The following ZNF618 variants were observed in gnomAD, a reference collection of about 807,000 sequenced individuals.
ZNF618 encodes the protein zinc finger protein 618, also known as neural precursor cell expressed, developmentally down-regulated 10.
Under a neutral mutation model 103.0 loss-of-function variants are expected in ZNF618, and 34 were observed. That is an observed-to-expected ratio of 0.33 (90% CI 0.25 to 0.44). The LOEUF (loss-of-function observed/expected upper bound fraction) is 0.44, where lower values mean the gene tolerates loss of function less well. Ranked by LOEUF, ZNF618 falls within the 20% of genes least tolerant of loss-of-function variation. The pLI, the probability that ZNF618 is intolerant of heterozygous loss-of-function variation, is 1.00. For missense variants in ZNF618, 1,059 were observed against 1,295.4 expected (o/e 0.82, Z 2.80); for synonymous variants, 551 against 542.2 (o/e 1.02, Z -0.23).
At chr9:114,022,401 T>G (rs765253333) in intron 10 of ZNF618, among the ~76,000 whole-genome samples, 1 of 152,066 alleles carries the variant, frequency 6.6e-6, no homozygotes, top group Non-Finnish European at 1.5e-5. Context: ...AAGTTTTCTT[T>G]GTAGGAAGGA....
chr9:113,992,660 A>C (rs1840188792), intron 3 of ZNF618, among the ~76,000 whole-genome samples: 1 of 152,100 alleles, frequency 6.6e-6, no homozygotes, highest in Non-Finnish European at 1.5e-5. Flanking sequence ...GTTCCTGTTC[A>C]GTCACCCAGT....
chr9:113,951,762 T>C (rs1017266866), intron 1 of ZNF618, among the ~76,000 whole-genome samples: 1 of 151,920 alleles, frequency 6.6e-6, no homozygotes, highest in Non-Finnish European at 1.5e-5. Context: ...TCCCAAACCT[T>C]GACCTCATGG....
intron 1 of ZNF618, among the ~76,000 whole-genome samples, chr9:113,938,153 C>T (rs1834190499): frequency 6.9e-6 from 1 of 145,424 alleles, no homozygotes; most frequent in African/African-American, 2.5e-5. Context: ...TTTAGGAAAG[C>T]TTCAGGCTCC....
chr9:113,928,418 C>G (rs139941000), intron 1 of ZNF618, among the ~76,000 whole-genome samples: 1 of 152,282 alleles, frequency 6.6e-6, no homozygotes, highest in African/African-American at 2.4e-5. Context: ...TAAGCCAGTT[C>G]TGATGTCTGC....
At chr9:114,005,733 C>T (rs1018706022) in intron 6 of ZNF618, among the ~76,000 whole-genome samples, 4 of 152,182 alleles carry the variant, frequency 2.6e-5, no homozygotes, top group African/African-American at 9.7e-5. Flanking sequence ...ATGGTCTGGA[C>T]GGGACCTGAT....
intron 1 of ZNF618, among the ~76,000 whole-genome samples, chr9:113,907,933 C>T (rs1831136202): frequency 6.6e-6 from 1 of 152,202 alleles, no homozygotes; most frequent in Admixed American, 6.5e-5. Flanking sequence ...GAGCTTGAGT[C>T]TGCAGTGTGG....
chr9:113,978,696 T>G (rs1838706278), intron 2 of ZNF618, among the ~76,000 whole-genome samples: 1 of 152,202 alleles, frequency 6.6e-6, no homozygotes, highest in African/African-American at 2.4e-5. Context: ...ATCCAAATGG[T>G]TAAAAGCCTA....
chr9:114,028,631 C>T (rs1843721955), intron 10 of ZNF618, 102 bp from the exon 11 acceptor site: 1 of 1,414,830 alleles, frequency 7.1e-7, no homozygotes, highest in East Asian at 2.5e-5. Context: ...AGAGGTTGGA[C>T]AGAGACAGTC....
At chr9:113,894,307 GA>G (rs2131088722) in intron 1 of ZNF618, among the ~76,000 whole-genome samples, 1 of 152,260 alleles carries the variant, frequency 6.6e-6, no homozygotes, top group East Asian at 1.9e-4. Flanking sequence ...CCACCTGACT[GA>G]CCATTACATA....
chr9:113,909,958 T>C (rs2131413320), intron 1 of ZNF618, among the ~76,000 whole-genome samples: 1 of 152,230 alleles, frequency 6.6e-6, no homozygotes, highest in South Asian at 2.1e-4. Context: ...CTAATTTTTG[T>C]ATTTTTAATA....
chr9:114,005,232 A>G (rs1841629105), intron 6 of ZNF618, among the ~76,000 whole-genome samples: 1 of 152,182 alleles, frequency 6.6e-6, no homozygotes, highest in Non-Finnish European at 1.5e-5. Context: ...GCCTCCCTGA[A>G]CGGATTCACA....
intron 2 of ZNF618, among the ~76,000 whole-genome samples, chr9:113,984,654 T>C (rs1035324398): frequency 6.6e-6 from 1 of 152,196 alleles, no homozygotes; most frequent in Non-Finnish European, 1.5e-5. Flanking sequence ...TTCAGAACAC[T>C]GGCTGTGAAG....
intron 2 of ZNF618, among the ~76,000 whole-genome samples, chr9:113,976,716 A>T (rs1838503967): frequency 6.6e-6 from 1 of 152,032 alleles, no homozygotes; most frequent in South Asian, 2.1e-4. Flanking sequence ...GGAGCTAAAA[A>T]TTCCTCCTCT....
At chr9:113,923,323 A>G (rs1437941484) in intron 1 of ZNF618, among the ~76,000 whole-genome samples, 2 of 152,174 alleles carry the variant, frequency 1.3e-5, no homozygotes, top group Non-Finnish European at 2.9e-5. Flanking sequence ...GACTTCCACT[A>G]TGACATTGAA....
At chr9:113,894,061 AATTTCAT>A (rs1326280001) in intron 1 of ZNF618, among the ~76,000 whole-genome samples, 1 of 152,240 alleles carries the variant, frequency 6.6e-6, no homozygotes, top group Non-Finnish European at 1.5e-5. Flanking sequence ...TGATTTTGTC[AATTTCAT>A]ATCTATCCTT....
intron 4 of ZNF618, 57 bp from the exon 5 acceptor site, chr9:114,001,939 T>G (rs984482872): frequency 1.5e-5 from 23 of 1,495,154 alleles, no homozygotes; most frequent in Non-Finnish European, 2.1e-5. Flanking sequence ...CTGTGGGTCC[T>G]GGGACCTTGT....
In ZNF618 at chr9:113,907,889, T is replaced by C. The variant is rs368768458; in HGVS notation, c.33+31476T>C. On this transcript the variant is annotated intron_variant, in intron 1 of 14. Coordinates refer to ENST00000374126, the MANE Select transcript of ZNF618 (RefSeq NM_001318042.2). ...GGATTCCCCTCCTTCCCATGAGAGC[T>C]GCCCCCTTCAGAATCATGGGGGTGT... 1.3e-4 allele frequency among the ~76,000 whole-genome samples: 20 copies of C among 152,338 alleles called. No homozygotes were observed. In the East Asian group the frequency reaches 2.7e-3, roughly 21 times the overall value.
intron 2 of ZNF618, among the ~76,000 whole-genome samples, chr9:113,969,821 C>G (rs1837781039): frequency 6.6e-6 from 1 of 152,148 alleles, no homozygotes; most frequent in Non-Finnish European, 1.5e-5. Flanking sequence ...TAGAGCAAGG[C>G]TGGAACGGCC....
intron 1 of ZNF618, among the ~76,000 whole-genome samples, chr9:113,926,367 G>T (rs558232796): frequency 2.8e-4 from 42 of 151,706 alleles, no homozygotes. Context: ...TTTGGTTTTT[G>T]TTCTGCTTGG....
Sources: allele counts gnomAD v4.1 joint callset (sites outside exome capture counted in the v4.1 genomes callset), GRCh38; gene constraint gnomAD v4.1.1; transcripts MANE v1.5; gene names NCBI Gene and HGNC (gene_info 2026-07-23, HGNC 2026-07-21).